Variants in ZNF837 observed in about 807,000 individuals in gnomAD.
ZNF837 encodes the protein zinc finger protein 837.
For synonymous variants in ZNF837, 475 were observed against 365.2 expected, an observed-to-expected ratio of 1.30 and a Z score of -3.43; for missense variants, 955 against 801.7, an observed-to-expected ratio of 1.19 and a Z score of -2.31.
At chr19:58,370,031 G>T (rs1445948847) in intron 1 of ZNF837, 103 bp from the exon 2 acceptor site, 1 of 152,222 alleles carries the variant, frequency 6.6e-6, no homozygotes, top group African/African-American at 2.4e-5. Flanking sequence ...CCTGGCGCCT[G>T]CTATTACTAT....
Position 58,368,684 on chromosome 19 carries a change from T to C in ZNF837, c.649A>G (p.Arg217Gly). The C allele has an allele frequency of 6.5e-7, 1 of 1,529,970 alleles. No individual in the cohort carries two copies. The highest frequency in any genetic ancestry group is 8.8e-7 in the Non-Finnish European group (1 of 1,142,422). 94.8% of individuals were successfully genotyped at this position (1,529,970 alleles called of 1,614,324 possible). The change falls in exon 3 of 3, where the codon AGG (arginine) becomes GGG (glycine). Residue 217 changes from arginine to glycine, a missense_variant. Arg to Gly is a moderately radical substitution (Grantham distance 125). Coordinates refer to ENST00000597582, the MANE Select transcript of ZNF837 (RefSeq NM_138466.2). Reference sequence around the variant, plus strand: ...CGGGGCTCCTCCGTCGCCTGCAGCCTCTCCTGGGGGATCCGCAGGGCCCTC... The same window carrying C: ...CGGGGCTCCTCCGTCGCCTGCAGCCCCTCCTGGGGGATCCGCAGGGCCCTC... ...AWRALRIPQERLQATEEPRPC... is the reference protein window; with the variant it reads ...AWRALRIPQEGLQATEEPRPC...
chr19:58,368,458 A>G lies in ZNF837; in HGVS notation c.875T>C (p.Ile292Thr). 1 of 1,568,284 alleles carries G rather than the reference A, an allele frequency of 6.4e-7. No homozygotes were observed. Among genetic ancestry groups the G allele is most frequent in the Non-Finnish European group, 8.6e-7 (1 of 1,159,206 alleles). The change falls in exon 3 of 3, where the codon ATC becomes ACC. Residue 292 changes from isoleucine (I) to threonine (T), a missense_variant. Coordinates refer to ENST00000597582, the MANE Select transcript of ZNF837 (RefSeq NM_138466.2). The part of the protein sequence containing the change: ...RTSSLLQHQR[I>T]HTGERPYECA... Reference sequence around the variant, plus strand: ...CTCGTAGGGCCGCTCGCCCGTGTGGATGCGCTGGTGCTGCAGCAGGCTGGA... The same window carrying G: ...CTCGTAGGGCCGCTCGCCCGTGTGGGTGCGCTGGTGCTGCAGCAGGCTGGA...
At chr19:58,371,012 T>C (rs960619624) in intron 1 of ZNF837, among the ~76,000 whole-genome samples, 5 of 150,962 alleles carry the variant, frequency 3.3e-5, no homozygotes, top group African/African-American at 1.2e-4. Context: ...GAGGCCTAGG[T>C]GGGCAGATCA....
rs1599929212 is a variant in ZNF837 at position 58,380,956 on chromosome 19, C to G, written c.-155G>C. The G allele has an allele frequency of 4.3e-3, 1 of 230 alleles. No homozygotes were observed. The highest frequency in any genetic ancestry group is 6.9e-3 in the Non-Finnish European group (1 of 144). 0.0% of individuals were successfully genotyped at this position (230 alleles called of 1,614,324 possible). ...TGCCACTTACTCTCTGGAGGCGGCCCGCACGGGTCCCTGGTCCCCGCCCCG... is the reference window on the plus strand; with the variant it reads ...TGCCACTTACTCTCTGGAGGCGGCCGGCACGGGTCCCTGGTCCCCGCCCCG... On this transcript the variant is annotated 5_prime_UTR_variant, in exon 1 of 3. Coordinates refer to ENST00000597582, the MANE Select transcript of ZNF837 (RefSeq NM_138466.2).
intron 1 of ZNF837, among the ~76,000 whole-genome samples, chr19:58,376,150 C>T (rs1472983790): frequency 6.6e-6 from 1 of 152,024 alleles, no homozygotes; most frequent in Non-Finnish European, 1.5e-5. Context: ...AACTCCTGGC[C>T]TCAAGTGATC....
At chr19:58,375,974 A>G (rs1433885566) in intron 1 of ZNF837, among the ~76,000 whole-genome samples, 1 of 151,550 alleles carries the variant, frequency 6.6e-6, no homozygotes, top group Non-Finnish European at 1.5e-5. Flanking sequence ...GCTGGAGTGC[A>G]GTGACACAAT....
In ZNF837 at chr19:58,367,714, C is replaced by T. The variant is rs1462428974; in HGVS notation, c.*23G>A. On this transcript the variant is annotated 3_prime_UTR_variant, in exon 3 of 3. Transcript: ENST00000597582. Reference sequence around the variant, plus strand: ...CGACGCAGGGTTCGCTTGGGCGACGCGTCGACTCTCGGCTCCCTGCAGTCA... The same window carrying T: ...CGACGCAGGGTTCGCTTGGGCGACGTGTCGACTCTCGGCTCCCTGCAGTCA... The T allele has an allele frequency of 5.4e-6, 8 of 1,481,362 alleles. No homozygotes were observed. In the African/African-American group the frequency reaches 8.5e-5, roughly 16 times the overall value. 91.8% of individuals were successfully genotyped at this position (1,481,362 alleles called of 1,614,324 possible).
intron 1 of ZNF837, among the ~76,000 whole-genome samples, chr19:58,370,473 T>A (rs1048354303): frequency 6.6e-6 from 1 of 152,128 alleles, no homozygotes; most frequent in Admixed American, 6.6e-5. Flanking sequence ...TAGTCAGAGG[T>A]TCTAGGAAAC....
At position 58,380,496 on chromosome 19, in the gene ZNF837, G is replaced by T. The variant is rs374280473; in HGVS notation, c.-140+445C>A. ...GAGGGCGCCAGGGAGGGAGGCAGCG[G>T]ATTCTTCGGGCCTCTGTGAAGAGGG... On this transcript the variant is annotated intron_variant, in intron 1 of 2. Coordinates refer to ENST00000597582, the MANE Select transcript of ZNF837 (RefSeq NM_138466.2). 6.5e-4 allele frequency among the ~76,000 whole-genome samples: 99 copies of T among 152,388 alleles called. 3 individuals are homozygous for T. In the East Asian group the frequency reaches 0.013, roughly 20 times the overall value.
Position 58,368,787 on chromosome 19 carries a change from G to A in ZNF837, c.546C>T (p.Thr182=), listed in dbSNP as rs1486446495. The A allele has an allele frequency of 6.5e-7, 1 of 1,544,218 alleles. No individual in the cohort carries two copies. Among genetic ancestry groups the A allele is most frequent in the South Asian group, 1.2e-5 (1 of 84,040 alleles). The change falls in exon 3 of 3, where the codon ACC becomes ACT. Residue 182 remains threonine (T), a synonymous_variant. Transcript: ENST00000597582. ...PGTGAPTCPR[T]PKPTSRGRNP... is the part of the protein sequence containing the mutation. ...TCCTCCCGCGGGAGGTCGGCTTTGG[G>A]GTCCTCGGGCAGGTCGGAGCGCCAG...
rs1483508787 is a variant in ZNF837 at position 58,367,957 on chromosome 19, C to T, written c.1376G>A (p.Cys459Tyr). The stretch of plus-strand genomic sequence containing the variant: ...GCGCTCGTGCTGGCGCAGCTCGGAG[C>T]AGCCGCGGAAGGTCTTTCCGCACTC... ...CSECGKTFRG[C>Y]SELRQHERLH... The change falls in exon 3 of 3, where the codon TGC becomes TAC. Residue 459 changes from cysteine to tyrosine, a missense_variant. Cys to Tyr is a radical substitution (Grantham distance 194). Transcript: ENST00000597582. 1.3e-6 allele frequency: 2 copies of T among 1,532,874 alleles called. No individual in the cohort carries two copies. Among genetic ancestry groups the T allele is most frequent in the Non-Finnish European group, 8.7e-7 (1 of 1,144,012 alleles). The allele number at this position is 1,532,874 out of a possible 1,614,324, so 95.0% of individuals were successfully genotyped here.
intron 1 of ZNF837, among the ~76,000 whole-genome samples, chr19:58,380,453 T>C (rs2052280659): frequency 6.6e-6 from 1 of 152,076 alleles, no homozygotes; most frequent in South Asian, 2.1e-4. Flanking sequence ...GTGAAGAACA[T>C]CAGACAGGGA....
rs939115384 is a variant in ZNF837, at chr19:58,368,095, TGAGTGCGCTGGTGC to T, written c.1224_1237del (p.His409GlnfsTer149). On this transcript the variant is annotated frameshift_variant, in exon 3 of 3. Transcript: ENST00000597582. LOFTEE classifies it low-confidence loss of function (END_TRUNC). ...GCACGCGTAGGGCTTGGCGCTGCTG[TGAGTGCGCTGGTGC>T]CGGCTCAGGTTCGAGCGCTGGTTGA... The T allele has an allele frequency of 6.4e-7, 1 of 1,559,642 alleles. No homozygotes were observed. Among genetic ancestry groups the T allele is most frequent in the Admixed American group, 1.9e-5 (1 of 52,512 alleles).
At position 58,369,063 on chromosome 19, in the gene ZNF837, C is replaced by T; in HGVS notation, c.270G>A (p.Glu90=). 6.6e-7 allele frequency: 1 copy of T among 1,520,086 alleles called. No individual in the cohort carries two copies. Among genetic ancestry groups the T allele is most frequent in the African/African-American group, 1.4e-5 (1 of 71,848 alleles). 94.2% of individuals were successfully genotyped at this position (1,520,086 alleles called of 1,614,324 possible). The change falls in exon 3 of 3, where the codon GAG becomes GAA. Residue 90 remains glutamate, a synonymous_variant. Coordinates refer to ENST00000597582, the MANE Select transcript of ZNF837 (RefSeq NM_138466.2). The part of the protein sequence containing the change: ...HSAGTRPLVR[E]PCGPTSSQNP... ...TCTGAGAAGAGGTGGGGCCGCACGG[C>T]TCCCGCACGAGGGGTCTGGTCCCGG...
chr19:58,379,789 A>G (rs2122139648), intron 1 of ZNF837, among the ~76,000 whole-genome samples: 1 of 152,308 alleles, frequency 6.6e-6, no homozygotes, highest in East Asian at 1.9e-4. Flanking sequence ...CAACATCCTC[A>G]TGGAGGTTGC....
intron 1 of ZNF837, among the ~76,000 whole-genome samples, chr19:58,377,978 C>A (rs912486576): frequency 1.3e-5 from 2 of 152,190 alleles, no homozygotes; most frequent in African/African-American, 4.8e-5. Context: ...CCCATCCTGC[C>A]CACCTCCCCA....
Position 58,369,085 on chromosome 19 carries a change from C to T in ZNF837, c.248G>A (p.Gly83Glu), listed in dbSNP as rs1432031132. 12 of 1,515,980 alleles carry T rather than the reference C, an allele frequency of 7.9e-6. No individual in the cohort carries two copies. In the South Asian group the frequency reaches 1.1e-4, roughly 14 times the overall value. 93.9% of individuals were successfully genotyped at this position (1,515,980 alleles called of 1,614,324 possible). ...SPGPGTRHSAGTRPLVREPCG... is the reference protein window; with the variant it reads ...SPGPGTRHSAETRPLVREPCG... ...CGGCTCCCGCACGAGGGGTCTGGTC[C>T]CGGCGCTGTGCCGGGTCCCCGGGCC... Residue 83 changes from glycine (G) to glutamate (E), a missense_variant, in exon 3 of 3, where the codon GGG becomes GAG. Physicochemically the swap from Gly to Glu is moderately conservative, Grantham distance 98. Transcript: ENST00000597582.
At chr19:58,375,310 A>G (rs2052235274) in intron 1 of ZNF837, among the ~76,000 whole-genome samples, 1 of 39,522 alleles carries the variant, frequency 2.5e-5, no homozygotes, top group African/African-American at 5.2e-5. Flanking sequence ...ATATATATAT[A>G]TAAAATTACA....
chr19:58,376,887 C>T (rs991079776), intron 1 of ZNF837, among the ~76,000 whole-genome samples: 3 of 150,700 alleles, frequency 2.0e-5, no homozygotes, highest in Non-Finnish European at 2.9e-5. Context: ...AGAGACCAGC[C>T]TGGGCAGTAT....
Sources: allele counts gnomAD v4.1 joint callset (sites outside exome capture counted in the v4.1 genomes callset), GRCh38; gene constraint gnomAD v4.1.1; transcripts MANE v1.5; gene names NCBI Gene and HGNC (gene_info 2026-07-23, HGNC 2026-07-21).